DLG2: variants seen among roughly 807,000 people sequenced by gnomAD.
DLG2 encodes disks large homolog 2.
In DLG2, 45 loss-of-function variants were observed where a neutral mutation model predicts 132.5. That is an observed-to-expected ratio of 0.34 (90% CI 0.27 to 0.44). DLG2 has a LOEUF of 0.44. Ranked by LOEUF, DLG2 falls within the 20% of genes least tolerant of loss-of-function variation. The pLI is 1.00. For synonymous variants in DLG2, 424 were observed against 419.6 expected, an observed-to-expected ratio of 1.01 and a Z score of -0.13; for missense variants, 1,045 against 1,196.9, an observed-to-expected ratio of 0.87 and a Z score of 1.87.
At chr11:84,053,997 A>C (rs1230086377) in intron 11 of DLG2, among the ~76,000 whole-genome samples, 1 of 152,104 alleles carries the variant, frequency 6.6e-6, no homozygotes, top group African/African-American at 2.4e-5. Context: ...AAAAATTGTC[A>C]CTACCTAGAT....
chr11:85,078,630 G>T (rs1015937931), intron 6 of DLG2, among the ~76,000 whole-genome samples: 6 of 151,930 alleles, frequency 3.9e-5, no homozygotes, highest in African/African-American at 1.4e-4. Flanking sequence ...AGATTATTAG[G>T]GTCAAGAGCT....
intron 7 of DLG2, among the ~76,000 whole-genome samples, chr11:84,432,821 G>A (rs780048019): frequency 2.6e-5 from 4 of 151,990 alleles, no homozygotes; most frequent in African/African-American, 9.7e-5. Context: ...CCAGGAGTTC[G>A]AGACCAGCCT....
At chr11:83,919,940 T>C (rs1463777639) in intron 15 of DLG2, among the ~76,000 whole-genome samples, 2 of 152,218 alleles carry the variant, frequency 1.3e-5, no homozygotes, top group African/African-American at 4.8e-5. Flanking sequence ...TATCCTGATA[T>C]CCATCTTCAT....
intron 7 of DLG2, among the ~76,000 whole-genome samples, chr11:84,351,545 C>T (rs1461930580): frequency 2.6e-5 from 4 of 152,258 alleles, no homozygotes; most frequent in African/African-American, 2.4e-5. Context: ...ATTAATGGTA[C>T]ATTCTTCATG....
intron 19 of DLG2, among the ~76,000 whole-genome samples, chr11:83,556,319 AAAAG>A (rs906481073): frequency 6.6e-5 from 10 of 152,198 alleles, no homozygotes; most frequent in Non-Finnish European, 1.3e-4. Context: ...TGAGAAGAAA[AAAAG>A]AAAGAGAGAT....
intron 14 of DLG2, among the ~76,000 whole-genome samples, chr11:83,950,033 T>G (rs562593110): frequency 2.0e-5 from 3 of 152,282 alleles, no homozygotes; most frequent in Admixed American, 2.0e-4. Flanking sequence ...TAATGTTTTA[T>G]CGCTTGTAGC....
rs555167178 is a variant in DLG2 at position 84,465,996 on chromosome 11, T to A, written c.519+68574A>T. Among the ~76,000 whole-genome samples the A allele has an allele frequency of 4.4e-4, 66 of 151,378 alleles. 2 individuals carry two copies. The South Asian group carries it at 0.013, about 31-fold the overall frequency. ...TTTGATGTTGCCATACTACTCAGAT[T>A]GAATACAGAAATAAGGTTGAGAAAA... is the stretch of plus-strand genomic sequence containing the variant. On this transcript the variant is annotated intron_variant, in intron 7 of 27. Transcript: ENST00000376104.
In DLG2 at chr11:84,949,310, G is replaced by A. The variant is rs369242667; in HGVS notation, c.357+162351C>T. Among the ~76,000 whole-genome samples the A allele has an allele frequency of 1.6e-4, 25 of 152,204 alleles. No individual in the cohort carries two copies. The South Asian group carries it at 2.7e-3, about 16-fold the overall frequency. On this transcript the variant is annotated intron_variant, in intron 6 of 27. Coordinates refer to ENST00000376104, the MANE Select transcript of DLG2 (RefSeq NM_001142699.3). ...GAATATCACAAGGCAAGTGGAGGCAGGGCGAGATCACAGGACCACAGGACC... is the reference window on the plus strand; with the variant it reads ...GAATATCACAAGGCAAGTGGAGGCAAGGCGAGATCACAGGACCACAGGACC...
intron 19 of DLG2, among the ~76,000 whole-genome samples, chr11:83,601,748 C>T (rs1266178685): frequency 2.0e-5 from 3 of 151,622 alleles, no homozygotes; most frequent in Non-Finnish European, 2.9e-5. Flanking sequence ...ATCTCGAACT[C>T]CTGGGCTCAA....
At chr11:85,049,945 T>C (rs1331466818) in intron 6 of DLG2, among the ~76,000 whole-genome samples, 1 of 152,048 alleles carries the variant, frequency 6.6e-6, no homozygotes, top group Admixed American at 6.6e-5. Context: ...TTCCAATAAT[T>C]TACCTAATTT....
In DLG2 at chr11:84,755,622, A is replaced by C. The variant is rs187733800; in HGVS notation, c.358-220891T>G. On this transcript the variant is annotated intron_variant, in intron 6 of 27. Transcript: ENST00000376104. ...GTATTTTTAGTGGAGACGGGGTTAC[A>C]CCGTGTTAGCCAGGATGGACTCAAT... Among the ~76,000 whole-genome samples, 239 of 152,244 alleles carry C rather than the reference A, an allele frequency of 1.6e-3. 1 individual carries two copies. Among genetic ancestry groups the C allele is most frequent in the Non-Finnish European group, 2.0e-3 (139 of 68,006 alleles).
chr11:84,666,353 C>T (rs1258452864), intron 6 of DLG2, among the ~76,000 whole-genome samples: 1 of 152,158 alleles, frequency 6.6e-6, no homozygotes. Context: ...ACTACTACAG[C>T]AGCTTCTGGT....
chr11:83,724,429 T>C (rs1474447988), intron 18 of DLG2, among the ~76,000 whole-genome samples: 2 of 151,272 alleles, frequency 1.3e-5, no homozygotes, highest in South Asian at 2.1e-4. Context: ...AAAGCAAATA[T>C]TTCACATTCC....
At chr11:85,374,303 A>G (rs1474960413) in intron 3 of DLG2, among the ~76,000 whole-genome samples, 3 of 152,206 alleles carry the variant, frequency 2.0e-5, no homozygotes, top group Non-Finnish European at 4.4e-5. Flanking sequence ...GGTAGTTATG[A>G]CATCCCAGTC....
chr11:84,741,350 G>A (rs1438295013), intron 6 of DLG2, among the ~76,000 whole-genome samples: 3 of 151,906 alleles, frequency 2.0e-5, no homozygotes, highest in African/African-American at 7.3e-5. Context: ...CACCGCGCCC[G>A]GCCGCCTATG....
intron 3 of DLG2, among the ~76,000 whole-genome samples, chr11:85,296,897 ATAT>A (rs1267389472): frequency 2.0e-5 from 3 of 149,966 alleles, no homozygotes; most frequent in Non-Finnish European, 4.4e-5. Flanking sequence ...ATATATAATT[ATAT>A]TATTGTACAA....
chr11:84,247,007 A>G (rs906755701), intron 8 of DLG2, among the ~76,000 whole-genome samples: 42 of 152,284 alleles, frequency 2.8e-4, no homozygotes, highest in African/African-American at 9.9e-4. Context: ...GTTTGTGTTC[A>G]TTGAACTCCA....
intron 6 of DLG2, among the ~76,000 whole-genome samples, chr11:85,010,145 T>G (rs2059026353): frequency 6.6e-6 from 1 of 152,054 alleles, no homozygotes; most frequent in Admixed American, 6.6e-5. Context: ...CTGAAATATA[T>G]CTGAATACTT....
intron 6 of DLG2, among the ~76,000 whole-genome samples, chr11:84,731,001 G>C (rs1235634735): frequency 6.6e-6 from 1 of 151,988 alleles, no homozygotes; most frequent in Admixed American, 6.6e-5. Flanking sequence ...CAAATTTTAA[G>C]TACAGCCCAC....
Sources: allele counts gnomAD v4.1 joint callset (sites outside exome capture counted in the v4.1 genomes callset), GRCh38; gene constraint gnomAD v4.1.1; transcripts MANE v1.5; gene names NCBI Gene and HGNC (gene_info 2026-07-23, HGNC 2026-07-21).